The following CNTNAP2 variants were observed in gnomAD, a reference collection of about 807,000 sequenced individuals.
CNTNAP2 encodes contactin associated protein 2, also known as contactin-associated protein-like 2.
Under a neutral mutation model 155.2 loss-of-function variants are expected in CNTNAP2, and 98 were observed. The ratio of observed to expected loss-of-function variants is 0.63; its 90% CI spans 0.54 to 0.75. The LOEUF (loss-of-function observed/expected upper bound fraction) is 0.75, where lower values mean the gene tolerates loss of function less well. CNTNAP2 is among the 30% of genes least tolerant of loss of function. The probability of loss-of-function intolerance (pLI) is 0.00; values close to 1 mark genes in which losing one functional copy is unlikely to be tolerated. For synonymous variants in CNTNAP2, 651 were observed against 631.2 expected, an observed-to-expected ratio of 1.03 and a Z score of -0.47; for missense variants, 1,727 against 1,688.1, an observed-to-expected ratio of 1.02 and a Z score of -0.40.
intron 20 of CNTNAP2, among the ~76,000 whole-genome samples, chr7:148,236,843 G>A (rs934554527): frequency 1.3e-5 from 2 of 152,224 alleles, no homozygotes; most frequent in African/African-American, 4.8e-5. Flanking sequence ...GAGAGAGAGT[G>A]AAGGTGCTAC....
chr7:148,373,473 AAAAG>A (rs770045078), intron 21 of CNTNAP2, among the ~76,000 whole-genome samples: 12 of 152,176 alleles, frequency 7.9e-5, no homozygotes, highest in Non-Finnish European at 1.3e-4. Context: ...ACAACAACAA[AAAAG>A]AAGTATACTC....
chr7:147,296,123 A>G (rs1486834577), intron 8 of CNTNAP2, among the ~76,000 whole-genome samples: 2 of 152,214 alleles, frequency 1.3e-5, no homozygotes, highest in South Asian at 2.1e-4. Flanking sequence ...ATAAGGGTCT[A>G]TCTCTGGACA....
At chr7:148,014,863 A>G (rs1021738254) in intron 15 of CNTNAP2, among the ~76,000 whole-genome samples, 1 of 152,250 alleles carries the variant, frequency 6.6e-6, no homozygotes, top group African/African-American at 2.4e-5. Flanking sequence ...AGGGCAGACC[A>G]CAGTCTAGTG....
intron 14 of CNTNAP2, among the ~76,000 whole-genome samples, chr7:147,908,707 A>G (rs943153181): frequency 5.3e-5 from 8 of 152,234 alleles, no homozygotes; most frequent in African/African-American, 1.2e-4. Flanking sequence ...TGAAACTCAC[A>G]TATGTTAAAC....
intron 20 of CNTNAP2, among the ~76,000 whole-genome samples, chr7:148,235,724 T>A (rs1796030910): frequency 6.8e-6 from 1 of 146,518 alleles, no homozygotes; most frequent in Non-Finnish European, 1.5e-5. Context: ...TCTTGCTCTG[T>A]CACCAGGCTG....
At chr7:146,122,184 C>G (rs1797572905) in intron 1 of CNTNAP2, among the ~76,000 whole-genome samples, 1 of 152,196 alleles carries the variant, frequency 6.6e-6, no homozygotes, top group Admixed American at 6.5e-5. Context: ...CTTAGCTCAG[C>G]CCCTCCTTTC....
chr7:148,127,223 T>A (rs1804735483), intron 16 of CNTNAP2, among the ~76,000 whole-genome samples: 1 of 152,128 alleles, frequency 6.6e-6, no homozygotes, highest in Non-Finnish European at 1.5e-5. Context: ...AAGGATCACT[T>A]GAATCCAGGA....
intron 1 of CNTNAP2, among the ~76,000 whole-genome samples, chr7:146,606,164 A>C (rs2129152977): frequency 6.6e-6 from 1 of 152,264 alleles, no homozygotes; most frequent in Middle Eastern, 3.4e-3. Flanking sequence ...TAATATACTT[A>C]CTATTATTCT....
Position 146,211,642 on chromosome 7 carries a change from A to G in CNTNAP2, c.97+94669A>G, listed in dbSNP as rs1325701100. 3.9e-5 allele frequency among the ~76,000 whole-genome samples: 6 copies of G among 152,280 alleles called. No individual in the cohort carries two copies. In the South Asian group the frequency reaches 1.0e-3, roughly 26 times the overall value. ...TTACCCTAAAATATTAGAGTTCCAT[A>G]TAGGTTCTTGACCACAAACTAGCAG... On this transcript the variant is annotated intron_variant, in intron 1 of 23. Coordinates refer to ENST00000361727, the MANE Select transcript of CNTNAP2 (RefSeq NM_014141.6).
chr7:147,835,903 T>G (rs1453295999), intron 13 of CNTNAP2, among the ~76,000 whole-genome samples: 1 of 152,060 alleles, frequency 6.6e-6, no homozygotes, highest in Non-Finnish European at 1.5e-5. Context: ...CCAGGAGCCA[T>G]GAGAAGCTGA....
chr7:148,248,356 A>G (rs1796310865), intron 20 of CNTNAP2, among the ~76,000 whole-genome samples: 1 of 151,684 alleles, frequency 6.6e-6, no homozygotes, highest in African/African-American at 2.4e-5. Context: ...ATGGCACTAC[A>G]CCCGGCTAAT....
chr7:147,577,273 T>C (rs1446058754), intron 12 of CNTNAP2, among the ~76,000 whole-genome samples: 1 of 152,086 alleles, frequency 6.6e-6, no homozygotes, highest in Non-Finnish European at 1.5e-5. Context: ...TTTCTTTACA[T>C]TTTGCTTTGC....
At chr7:146,491,058 T>C (rs1797131497) in intron 1 of CNTNAP2, among the ~76,000 whole-genome samples, 1 of 152,114 alleles carries the variant, frequency 6.6e-6, no homozygotes, top group Non-Finnish European at 1.5e-5. Flanking sequence ...GTGCATATTA[T>C]ATGAAAAAGG....
intron 13 of CNTNAP2, among the ~76,000 whole-genome samples, chr7:147,727,123 A>T (rs1204249295): frequency 6.6e-6 from 1 of 151,956 alleles, no homozygotes; most frequent in Admixed American, 6.6e-5. Flanking sequence ...TGGAAAAATG[A>T]CAAAAGAAGA....
At chr7:147,754,781 A>C (rs1206053239) in intron 13 of CNTNAP2, among the ~76,000 whole-genome samples, 2 of 152,224 alleles carry the variant, frequency 1.3e-5, no homozygotes, top group Non-Finnish European at 2.9e-5. Flanking sequence ...AGCCAAAATA[A>C]AATGGGAGCA....
intron 10 of CNTNAP2, among the ~76,000 whole-genome samples, chr7:147,470,282 A>G (rs1798193652): frequency 6.6e-6 from 1 of 152,212 alleles, no homozygotes; most frequent in Non-Finnish European, 1.5e-5. Context: ...GAATAATAGC[A>G]GTAGAGATGG....
intron 12 of CNTNAP2, among the ~76,000 whole-genome samples, chr7:147,638,289 T>A (rs1211700148): frequency 1.3e-5 from 2 of 152,096 alleles, no homozygotes; most frequent in Admixed American, 6.6e-5. Context: ...GGGATCCTAG[T>A]TTTATCTTAG....
intron 5 of CNTNAP2, 52 bp from the exon 6 acceptor site, chr7:147,120,927 G>C: frequency 1.3e-6 from 2 of 1,528,378 alleles, no homozygotes; most frequent in Non-Finnish European, 1.8e-6. Context: ...CTGCTTCACA[G>C]AGTTGGCCAT....
intron 9 of CNTNAP2, among the ~76,000 whole-genome samples, chr7:147,394,807 T>TTG (rs61695156): frequency 0.084 from 11,659 of 139,164 alleles, 549 homozygotes; most frequent in African/African-American, 0.15. Context: ...ATCAACAGTA[T>TTG]TGTGTGTGTG....
Sources: allele counts gnomAD v4.1 joint callset (sites outside exome capture counted in the v4.1 genomes callset), GRCh38; gene constraint gnomAD v4.1.1; transcripts MANE v1.5; gene names NCBI Gene and HGNC (gene_info 2026-07-23, HGNC 2026-07-21).